DPP6: variants seen among roughly 807,000 people sequenced by gnomAD.
The protein encoded by DPP6 is A-type potassium channel modulatory protein DPP6.
DPP6 carries 69 observed loss-of-function variants against 122.6 expected under a neutral mutation model. The observed-to-expected ratio is 0.56, with a 90% CI of 0.46 to 0.69. The LOEUF is 0.69. DPP6 is among the 30% of genes least tolerant of loss of function. The pLI is 0.00. For synonymous variants in DPP6, 418 were observed against 433.1 expected, an observed-to-expected ratio of 0.97 and a Z score of 0.43; for missense variants, 928 against 1,116.9, an observed-to-expected ratio of 0.83 and a Z score of 2.41.
chr7:154,470,309 G>A (rs1332484099), intron 2 of DPP6, among the ~76,000 whole-genome samples: 1 of 152,202 alleles, frequency 6.6e-6, no homozygotes, highest in Non-Finnish European at 1.5e-5. Flanking sequence ...GGGATCAGGA[G>A]AGATAATAAA....
intron 5 of DPP6, among the ~76,000 whole-genome samples, chr7:154,576,757 T>A (rs2090392484): frequency 6.6e-6 from 1 of 151,992 alleles, no homozygotes; most frequent in Non-Finnish European, 1.5e-5. Context: ...CTCCCCTGAG[T>A]ATTCAGCACC....
At chr7:154,411,065 G>T (rs59332113) in intron 1 of DPP6, among the ~76,000 whole-genome samples, 399 of 152,256 alleles carry the variant, frequency 2.6e-3, no homozygotes, top group African/African-American at 9.1e-3. Context: ...TCCCTTGGAA[G>T]ATCACAAAGG....
intron 1 of DPP6, among the ~76,000 whole-genome samples, chr7:154,198,397 C>T (rs1318447762): frequency 1.3e-5 from 2 of 152,026 alleles, no homozygotes; most frequent in Non-Finnish European, 2.9e-5. Flanking sequence ...CTGCAACCTC[C>T]ACCTCCTGGG....
intron 1 of DPP6, among the ~76,000 whole-genome samples, chr7:153,929,953 G>T (rs1221366836): frequency 6.6e-6 from 1 of 152,214 alleles, no homozygotes; most frequent in East Asian, 1.9e-4. Context: ...GCATGATGCA[G>T]ATGGCTATTT....
intron 1 of DPP6, among the ~76,000 whole-genome samples, chr7:154,416,905 T>C (rs143233110): frequency 6.8e-4 from 104 of 152,260 alleles, no homozygotes; most frequent in Middle Eastern, 3.4e-3. Context: ...ACCATTCACA[T>C]GCAAAATCTC....
chr7:154,377,897 G>T (rs560727206), intron 1 of DPP6, among the ~76,000 whole-genome samples: 1 of 152,276 alleles, frequency 6.6e-6, no homozygotes, highest in East Asian at 1.9e-4. Context: ...AGCCACTTGG[G>T]CACTGCATGG....
chr7:154,377,520 C>T (rs1055375392), intron 1 of DPP6, among the ~76,000 whole-genome samples: 2 of 152,156 alleles, frequency 1.3e-5, no homozygotes, highest in Non-Finnish European at 2.9e-5. Flanking sequence ...CCAGGAAGGA[C>T]CAGGTTGGAG....
At chr7:154,627,433 C>A (rs937682078) in intron 5 of DPP6, among the ~76,000 whole-genome samples, 1 of 151,138 alleles carries the variant, frequency 6.6e-6, no homozygotes, top group Admixed American at 6.6e-5. Flanking sequence ...CTCTTGACCT[C>A]GTGATCCACC....
rs191056915 is a variant in DPP6, at chr7:154,589,261, G to C, written c.627+22345G>C. Among the ~76,000 whole-genome samples the C allele has an allele frequency of 3.3e-5, 5 of 152,216 alleles. No homozygotes were observed. In the East Asian group the frequency reaches 9.6e-4, roughly 29 times the overall value. ...TTCACAGTAACAGAGAATTTTGTTT[G>C]AAAAAATTCAGGGATTGAAGGGATA... On this transcript the variant is annotated intron_variant, in intron 5 of 25. Coordinates refer to ENST00000377770, the MANE Select transcript of DPP6 (RefSeq NM_130797.4).
chr7:154,059,822 G>A (rs1321545051), intron 1 of DPP6, among the ~76,000 whole-genome samples: 4 of 150,166 alleles, frequency 2.7e-5, no homozygotes, highest in East Asian at 1.9e-4. Flanking sequence ...CGTAGCCTAC[G>A]TCTCTAAACA....
At chr7:154,699,852 GAAC>G (rs1259594567) in intron 7 of DPP6, among the ~76,000 whole-genome samples, 1 of 152,180 alleles carries the variant, frequency 6.6e-6, no homozygotes, top group Non-Finnish European at 1.5e-5. Context: ...CATAAAGTCA[GAAC>G]AGCACCTTCC....
At position 154,282,177 on chromosome 7, in the gene DPP6, T is replaced by C. The variant is rs1554508165; in HGVS notation, c.244-164037T>C. ...AACCATCTATAATTTTATTCTTTTT[T>C]CCCCTCCCTATTCCATTCTCTCTGT... On this transcript the variant is annotated intron_variant, in intron 1 of 25. Coordinates refer to ENST00000377770, the MANE Select transcript of DPP6 (RefSeq NM_130797.4). This position sits in a 1 kb window ranked among gnomAD's most constrained non-coding sequence, Gnocchi z 4.8. Among the ~76,000 whole-genome samples the C allele has an allele frequency of 6.6e-6, 1 of 151,970 alleles. No homozygotes were observed. Among genetic ancestry groups the C allele is most frequent in the Non-Finnish European group, 1.5e-5 (1 of 67,980 alleles).
rs541468617 is a variant in DPP6 at position 154,155,673 on chromosome 7, T to G, written c.243+102610T>G. On this transcript the variant is annotated intron_variant, in intron 1 of 25. Transcript: ENST00000377770. ...TTTTCTTCTGAAAACGTAATCATCA[T>G]TGCAGTGAGTATAAACTTCCATTTA... Among the ~76,000 whole-genome samples the G allele has an allele frequency of 1.9e-3, 290 of 152,328 alleles. 2 individuals are homozygous for G. Among genetic ancestry groups the G allele is most frequent in the African/African-American group, 6.7e-3 (279 of 41,572 alleles).
intron 16 of DPP6, among the ~76,000 whole-genome samples, chr7:154,851,874 A>G (rs1164661623): frequency 6.6e-6 from 1 of 152,110 alleles, no homozygotes; most frequent in Non-Finnish European, 1.5e-5. Context: ...CGTTGGGGAA[A>G]AGGGCCCTGG....
At chr7:154,215,471 G>A (rs2150817171) in intron 1 of DPP6, among the ~76,000 whole-genome samples, 1 of 152,262 alleles carries the variant, frequency 6.6e-6, no homozygotes, top group Admixed American at 6.5e-5. Flanking sequence ...GTGTGCGGAT[G>A]GTTTTGGAGG....
At chr7:153,773,010 ATATAT>A in the DPP6 span, among the ~76,000 whole-genome samples, 2,715 of 54,566 alleles carry the variant, frequency 0.05, 41 homozygotes, top group Middle Eastern at 0.12. Context: ...AAGAAAAGAC[ATATAT>A]TATATAATAA....
intron 1 of DPP6, among the ~76,000 whole-genome samples, chr7:154,097,360 G>A (rs561713933): frequency 6.6e-6 from 1 of 152,362 alleles, no homozygotes; most frequent in East Asian, 1.9e-4. Flanking sequence ...AGGCCTCTAT[G>A]TGCAGGGCAC....
intron 1 of DPP6, among the ~76,000 whole-genome samples, chr7:154,350,185 G>A (rs1448777965): frequency 6.6e-6 from 1 of 152,238 alleles, no homozygotes; most frequent in Non-Finnish European, 1.5e-5. Context: ...TGGACATGTG[G>A]TCTGGGGCTG....
At chr7:154,422,055 C>G (rs558072490) in intron 1 of DPP6, among the ~76,000 whole-genome samples, 37 of 152,308 alleles carry the variant, frequency 2.4e-4, no homozygotes, top group Admixed American at 1.8e-3. Context: ...CAAGAAGTTG[C>G]TACCACCCTT....
Sources: allele counts gnomAD v4.1 joint callset (sites outside exome capture counted in the v4.1 genomes callset), GRCh38; gene constraint gnomAD v4.1.1; non-coding constraint Gnocchi (gnomAD v3.1); transcripts MANE v1.5; gene names NCBI Gene and HGNC (gene_info 2026-07-23, HGNC 2026-07-21).